Variants in DIAPH2 observed in about 807,000 individuals in gnomAD.
DIAPH2 encodes the protein protein diaphanous homolog 2.
Under a neutral mutation model 92.7 loss-of-function variants are expected in DIAPH2, and 35 were observed. The observed-to-expected ratio is 0.38, with a 90% CI of 0.29 to 0.50. The LOEUF (loss-of-function observed/expected upper bound fraction) is 0.50, where lower values mean the gene tolerates loss of function less well. Among genes scored for constraint, DIAPH2 ranks in the 20% least tolerant of loss-of-function variants. The pLI is 0.94. For synonymous variants in DIAPH2, 301 were observed against 280.4 expected (o/e 1.07, Z -0.73); for missense variants, 701 against 819.5 (o/e 0.86, Z 1.77).
chrX:96,945,311 G>A (rs2065731447), intron 13 of DIAPH2, among the ~76,000 whole-genome samples: 1 of 111,391 alleles, frequency 9.0e-6, no homozygotes, highest in Non-Finnish European at 1.9e-5. Context: ...TAGATGCTTG[G>A]TTTTGTGCCT....
intron 17 of DIAPH2, among the ~76,000 whole-genome samples, chrX:96,999,034 T>G: frequency 8.9e-6 from 1 of 112,017 alleles, no homozygotes; most frequent in Non-Finnish European, 1.9e-5. Context: ...AGTCAATTCT[T>G]TGTCATCTGT....
chrX:97,001,519 G>A (rs895156291), intron 17 of DIAPH2, among the ~76,000 whole-genome samples: 3 of 110,616 alleles, frequency 2.7e-5, no homozygotes, highest in South Asian at 7.8e-4. Flanking sequence ...GGTAGCAAGC[G>A]CCTGTAATCC....
chrX:97,531,127 G>A (rs188420161), intron 26 of DIAPH2, among the ~76,000 whole-genome samples: 13 of 110,889 alleles, frequency 1.2e-4, no homozygotes, highest in Admixed American at 5.8e-4. Flanking sequence ...TATTATATAC[G>A]ACTCTTTAAT....
At chrX:97,498,054 C>T (rs2070771386) in intron 26 of DIAPH2, among the ~76,000 whole-genome samples, 1 of 111,627 alleles carries the variant, frequency 9.0e-6, no homozygotes, top group African/African-American at 3.3e-5. Flanking sequence ...GGAAGTCTGA[C>T]AGCACCTCTG....
chrX:97,412,365 G>C (rs1254473779), intron 25 of DIAPH2, among the ~76,000 whole-genome samples: 1 of 112,003 alleles, frequency 8.9e-6, no homozygotes, highest in African/African-American at 3.2e-5. Flanking sequence ...TGAGAACAAA[G>C]GCACAACATA....
Position 97,469,914 on chromosome X carries a change from G to A in DIAPH2, c.3241+40169G>A, listed in dbSNP as rs185498081. 1.3e-3 allele frequency: 1,009 copies of A among 794,736 alleles called. 4 individuals carry two copies. The African/African-American group carries it at 0.019, about 15-fold the overall frequency. 65.5% of individuals were successfully genotyped at this position (794,736 alleles called of 1,213,427 possible). A position where few individuals can be genotyped will look rare whatever the true frequency, so the allele number is the denominator to read the frequency against. On this transcript the variant is annotated intron_variant, in intron 26 of 26. Coordinates refer to ENST00000324765, the MANE Select transcript of DIAPH2 (RefSeq NM_006729.5). The stretch of plus-strand genomic sequence containing the variant: ...TTTATGCTATATGCCCCTTAATACC[G>A]ATTTCATGATGGTTAACCATATCTA...
In DIAPH2 at chrX:96,858,195, T is replaced by C. The variant is rs773564184; in HGVS notation, c.448-23384T>C. ...ACTTTTTTAATTTTGTATTCCAGGG[T>C]ACTAGGTAAAATCATTCATGGTGGT... On this transcript the variant is annotated intron_variant, in intron 4 of 26. Transcript: ENST00000324765. 2.4e-4 allele frequency among the ~76,000 whole-genome samples: 27 copies of C among 111,853 alleles called. No individual in the cohort carries two copies. The East Asian group carries it at 7.5e-3, about 31-fold the overall frequency.
rs1212282512 is a variant in DIAPH2, at chrX:97,111,613, A to G, written c.2350-3113A>G. On this transcript the variant is annotated intron_variant, in intron 20 of 26. Transcript: ENST00000324765. ...TTCCTTAATTCTATCTTTTATATCC[A>G]TTGTTTTCTTTATCTTCCTACTGTC... Among the ~76,000 whole-genome samples the G allele has an allele frequency of 3.6e-5, 4 of 111,431 alleles. No homozygotes were observed. In the Admixed American group the frequency reaches 3.8e-4, roughly 11 times the overall value.
intron 23 of DIAPH2, among the ~76,000 whole-genome samples, chrX:97,341,925 A>G (rs979465745): frequency 6.3e-5 from 7 of 111,957 alleles, no homozygotes; most frequent in Admixed American, 2.9e-4. Flanking sequence ...TTCACCAGCT[A>G]TCTGGACATC....
intron 13 of DIAPH2, 94 bp downstream of exon 13, chrX:96,942,230 A>G: frequency 1.9e-6 from 1 of 534,846 alleles, no homozygotes; most frequent in Middle Eastern, 4.7e-4. Flanking sequence ...AAGAAGCTTC[A>G]GTTCTTACTG....
chrX:96,688,365 C>T (rs994180362), intron 1 of DIAPH2, among the ~76,000 whole-genome samples: 6 of 112,428 alleles, frequency 5.3e-5, no homozygotes, highest in South Asian at 3.6e-4. Context: ...GACGGAGTCT[C>T]GCTCTGTTGC....
At chrX:97,594,276 G>A (rs1332644418) in intron 26 of DIAPH2, among the ~76,000 whole-genome samples, 1 of 111,480 alleles carries the variant, frequency 9.0e-6, no homozygotes, top group East Asian at 2.8e-4. Context: ...GCAATTGGCT[G>A]TCCCCCACAA....
chrX:97,290,594 G>C (rs764138102), intron 23 of DIAPH2, among the ~76,000 whole-genome samples: 1 of 112,546 alleles, frequency 8.9e-6, no homozygotes, highest in Non-Finnish European at 1.9e-5. Flanking sequence ...CTAAACATTG[G>C]CCTGTGTGTG....
intron 19 of DIAPH2, 47 bp from the exon 20 acceptor site, chrX:97,099,647 A>T: frequency 2.2e-6 from 2 of 893,309 alleles, no homozygotes; most frequent in South Asian, 6.1e-5. Context: ...ATGTTTAAAA[A>T]TTCTAATACT....
In DIAPH2 at chrX:96,943,974, C is replaced by T. The variant is rs985020494; in HGVS notation, c.1445-1553C>T. Among the ~76,000 whole-genome samples the T allele has an allele frequency of 1.1e-4, 12 of 111,575 alleles. No individual in the cohort carries two copies. The East Asian group carries it at 3.1e-3, about 29-fold the overall frequency. On this transcript the variant is annotated intron_variant, in intron 13 of 26. Coordinates refer to ENST00000324765, the MANE Select transcript of DIAPH2 (RefSeq NM_006729.5). ...GAATAAGTCACATATATGAGTGGCT[C>T]TTAATATTTTATGTTCAAAATCCTT...
intron 4 of DIAPH2, among the ~76,000 whole-genome samples, chrX:96,782,740 TC>T (rs1320938903): frequency 7.2e-5 from 8 of 111,349 alleles, no homozygotes; most frequent in African/African-American, 2.6e-4. Context: ...GGCCAATATT[TC>T]TTATTTATTT....
At chrX:97,424,096 A>T (rs1277714960) in intron 25 of DIAPH2, among the ~76,000 whole-genome samples, 1 of 112,040 alleles carries the variant, frequency 8.9e-6, no homozygotes, top group Admixed American at 9.5e-5. Flanking sequence ...AGGAAGACTA[A>T]CTGAAATATA....
At chrX:97,013,458 T>C (rs544831822) in intron 17 of DIAPH2, among the ~76,000 whole-genome samples, 2 of 112,140 alleles carry the variant, frequency 1.8e-5, no homozygotes, top group South Asian at 3.8e-4. Context: ...CAGTTTGCTC[T>C]GTGTTTAGTC....
At chrX:97,252,716 G>GTGTTTTGTTTTGTTT (rs57036021) in intron 23 of DIAPH2, among the ~76,000 whole-genome samples, 39,796 of 104,187 alleles carry the variant, frequency 0.38, 5,758 homozygotes, top group East Asian at 0.63. Context: ...CAAAGCTGTT[G>GTGTTTTGTTTTGTTT]TGTTTTGTTT....
Sources: allele counts gnomAD v4.1 joint callset (sites outside exome capture counted in the v4.1 genomes callset), GRCh38; gene constraint gnomAD v4.1.1; transcripts MANE v1.5; gene names NCBI Gene and HGNC (gene_info 2026-07-23, HGNC 2026-07-21).